The following INSM1 variants were observed in gnomAD, a reference collection of about 807,000 sequenced individuals.
INSM1 encodes the protein INSM transcriptional repressor 1.
In INSM1, 11 loss-of-function variants were observed where a neutral mutation model predicts 21.1. The ratio of observed to expected loss-of-function variants is 0.52; its 90% CI spans 0.33 to 0.86. The LOEUF is 0.86. Ranked by LOEUF, INSM1 falls within the 40% of genes least tolerant of loss-of-function variation. The probability of loss-of-function intolerance (pLI) is 0.03; values close to 1 mark genes in which losing one functional copy is unlikely to be tolerated. For synonymous variants in INSM1, 473 were observed against 386.1 expected (o/e 1.23, Z -2.64); for missense variants, 843 against 760.1 (o/e 1.11, Z -1.28).
At position 20,368,802 on chromosome 20, in the gene INSM1, G is replaced by A; in HGVS notation, c.535G>A (p.Ala179Thr). 9.2e-7 allele frequency: 1 copy of A among 1,081,882 alleles called. No individual in the cohort carries two copies. The highest frequency in any genetic ancestry group is 1.2e-6 in the Non-Finnish European group (1 of 869,108). The allele number at this position is 1,081,882 out of a possible 1,614,324, so 67.0% of individuals were successfully genotyped here. A position where few individuals can be genotyped will look rare whatever the true frequency, so the allele number is the denominator to read the frequency against. ...MGTAFSAGAE[A>T]ARGPGPGPPL... ...CACGGCGTTCTCGGCTGGCGCCGAG[G>A]CGGCCCGCGGCCCGGGCCCCGGCCC... Residue 179 changes from alanine (A) to threonine (T), a missense_variant, in exon 1 of 1, where the codon GCG (alanine) becomes ACG (threonine). By Grantham distance (58) the Ala-to-Thr change is moderately conservative (BLOSUM62 0). Coordinates refer to ENST00000310227, the MANE Select transcript of INSM1 (RefSeq NM_002196.3). This position sits in a 1 kb window ranked among gnomAD's most constrained non-coding sequence, Gnocchi z 4.3.
chr20:20,368,380 G>A lies in INSM1; in HGVS notation c.113G>A (p.Gly38Asp), dbSNP rs1436811994. Residue 38 changes from glycine (G) to aspartate (D), a missense_variant, in exon 1 of 1, where the codon GGC becomes GAC. Transcript: ENST00000310227. This position sits in a 1 kb window ranked among gnomAD's most constrained non-coding sequence, Gnocchi z 4.3. The stretch of plus-strand genomic sequence containing the variant: ...CTGCTGCTCTCGCCCAGCTGCGGGG[G>A]CGCCCGCGCCGAGCCCCCGGCGCCG... The part of the protein sequence containing the change: ...RALLLSPSCG[G>D]ARAEPPAPSP... 3 of 1,069,052 alleles carry A rather than the reference G, an allele frequency of 2.8e-6. No homozygotes were observed. The highest frequency in any genetic ancestry group is 2.3e-6 in the Non-Finnish European group (2 of 881,946). The allele number at this position is 1,069,052 out of a possible 1,614,324, so 66.2% of individuals were successfully genotyped here.
chr20:20,368,503 CCCCGCAGGG>C lies in INSM1; in HGVS notation c.242_250del (p.Gln81_Pro83del). On this transcript the variant is annotated inframe_deletion, in exon 1 of 1. Transcript: ENST00000310227. This position sits in a 1 kb window ranked among gnomAD's most constrained non-coding sequence, Gnocchi z 4.3. ...GCCTGCGCGCCTGGGCCGCAGCCAC[CCCCGCAGGG>C]CCCGCGGGCCGCGCACTTCGGCAAC... 1 of 1,196,840 alleles carries C rather than the reference CCCCGCAGGG, an allele frequency of 8.4e-7. No homozygotes were observed. Among genetic ancestry groups the C allele is most frequent in the South Asian group, 2.8e-5 (1 of 35,724 alleles). 74.1% of individuals were successfully genotyped at this position (1,196,840 alleles called of 1,614,324 possible). A position where few individuals can be genotyped will look rare whatever the true frequency, so the allele number is the denominator to read the frequency against.
Position 20,369,758 on chromosome 20 carries a change from A to G in INSM1, c.1491A>G (p.Arg497=), listed in dbSNP as rs746191549. Reference sequence around the variant, plus strand: ...ACAAGTGCCACCCATCCGAAAACAGACAGGTGATCCTCCTGCAGGTGCCCG... The same window carrying G: ...ACAAGTGCCACCCATCCGAAAACAGGCAGGTGATCCTCCTGCAGGTGCCCG... ...HINKCHPSEN[R]QVILLQVPVR... Residue 497 remains arginine, a synonymous_variant, in exon 1 of 1, where the codon AGA becomes AGG. Coordinates refer to ENST00000310227, the MANE Select transcript of INSM1 (RefSeq NM_002196.3). The surrounding 1 kb of genome is among the most constrained non-coding windows in gnomAD (Gnocchi z 5.6). 1.9e-6 allele frequency: 3 copies of G among 1,604,332 alleles called. No homozygotes were observed. Among genetic ancestry groups the G allele is most frequent in the Non-Finnish European group, 2.5e-6 (3 of 1,178,814 alleles).
chr20:20,369,551 G>A lies in INSM1; in HGVS notation c.1284G>A (p.Gly428=), dbSNP rs762213940. 1.3e-6 allele frequency: 2 copies of A among 1,579,388 alleles called. No individual in the cohort carries two copies. Among genetic ancestry groups the A allele is most frequent in the Non-Finnish European group, 1.7e-6 (2 of 1,170,546 alleles). Residue 428 remains glycine (G), a synonymous_variant, in exon 1 of 1, where the codon GGG becomes GGA. Coordinates refer to ENST00000310227, the MANE Select transcript of INSM1 (RefSeq NM_002196.3). The surrounding 1 kb of genome is among the most constrained non-coding windows in gnomAD (Gnocchi z 5.6). The stretch of plus-strand genomic sequence containing the variant: ...AGGAGGCGGCCGGCGACGGCGAGGG[G>A]GCCGGCGTGCTGGGCCTGAGTGCGT... ...APQEAAGDGE[G]AGVLGLSASA... is the part of the protein sequence containing the mutation.
Position 20,368,754 on chromosome 20 carries a change from G to C in INSM1, c.487G>C (p.Ala163Pro). Reference protein sequence around the residue: ...GTCGGDPLLFAPAELKMGTAF... With the variant: ...GTCGGDPLLFPPAELKMGTAF... ...CTGCGGCGGCGACCCGCTGCTCTTC[G>C]CGCCCGCCGAGCTCAAGATGGGCAC... The change falls in exon 1 of 1, where the codon GCG becomes CCG. Residue 163 changes from alanine to proline, a missense_variant. By Grantham distance (27) the Ala-to-Pro change is conservative (BLOSUM62 -1). Coordinates refer to ENST00000310227, the MANE Select transcript of INSM1 (RefSeq NM_002196.3). This position sits in a 1 kb window ranked among gnomAD's most constrained non-coding sequence, Gnocchi z 4.3. The C allele has an allele frequency of 8.6e-7, 1 of 1,158,168 alleles. No individual in the cohort carries two copies. The highest frequency in any genetic ancestry group is 1.1e-6 in the Non-Finnish European group (1 of 926,154). The allele number at this position is 1,158,168 out of a possible 1,614,324, so 71.7% of individuals were successfully genotyped here.
At position 20,369,320 on chromosome 20, in the gene INSM1, G is replaced by C. The variant is rs559019738; in HGVS notation, c.1053G>C (p.Thr351=). The C allele has an allele frequency of 1.6e-5, 23 of 1,423,098 alleles. No homozygotes were observed. In the African/African-American group the frequency reaches 3.2e-4, roughly 20 times the overall value. The allele number at this position is 1,423,098 out of a possible 1,614,324, so 88.2% of individuals were successfully genotyped here. The stretch of plus-strand genomic sequence containing the variant: ...CCGGCGGCGGCAGCGACCGGGACAC[G>C]CCGAGCCCCGGCGGCGTGTCCGAGT... ...EAPGGGSDRD[T]PSPGGVSESG... is the part of the protein sequence containing the mutation. Residue 351 remains threonine (T), a synonymous_variant, in exon 1 of 1, where the codon ACG becomes ACC. Transcript: ENST00000310227. The surrounding 1 kb of genome is among the most constrained non-coding windows in gnomAD (Gnocchi z 5.6).
rs1329965800 is a variant in INSM1, at chr20:20,370,722, A to C, written c.*922A>C. ...AGCCTTTTTCTAAAGGGATCTGCTT[A>C]AAGTTTTAACTTTTATACCTATCTG... On this transcript the variant is annotated 3_prime_UTR_variant, in exon 1 of 1. Transcript: ENST00000310227. The C allele has an allele frequency of 6.0e-6, 1 of 167,054 alleles. No homozygotes were observed. Among genetic ancestry groups the C allele is most frequent in the South Asian group, 2.1e-4 (1 of 4,830 alleles). The allele number at this position is 167,054 out of a possible 1,614,324, so 10.3% of individuals were successfully genotyped here.
In INSM1 at chr20:20,368,701, G is replaced by A; in HGVS notation, c.434G>A (p.Gly145Asp). ...AALLGGGGGGGASGAGGGGTC... is the reference protein window; with the variant it reads ...AALLGGGGGGDASGAGGGGTC... ...CTGCTCGGAGGGGGCGGCGGCGGCG[G>A]CGCGAGCGGAGCTGGCGGAGGCGGC... The change falls in exon 1 of 1, where the codon GGC becomes GAC. Residue 145 changes from glycine (G) to aspartate (D), a missense_variant. By Grantham distance (94) the Gly-to-Asp change is moderately conservative. Coordinates refer to ENST00000310227, the MANE Select transcript of INSM1 (RefSeq NM_002196.3). The surrounding 1 kb of genome is among the most constrained non-coding windows in gnomAD (Gnocchi z 4.3). 1 of 1,277,062 alleles carries A rather than the reference G, an allele frequency of 7.8e-7. No individual in the cohort carries two copies. Among genetic ancestry groups the A allele is most frequent in the African/African-American group, 1.6e-5 (1 of 62,826 alleles). The allele number at this position is 1,277,062 out of a possible 1,614,324, so 79.1% of individuals were successfully genotyped here.
At position 20,368,831 on chromosome 20, in the gene INSM1, A is replaced by G; in HGVS notation, c.564A>G (p.Pro188=). The G allele has an allele frequency of 9.5e-6, 11 of 1,157,678 alleles. No homozygotes were observed. The highest frequency in any genetic ancestry group is 1.1e-5 in the Non-Finnish European group (10 of 915,614). The allele number at this position is 1,157,678 out of a possible 1,614,324, so 71.7% of individuals were successfully genotyped here. ...EAARGPGPGP[P]LPPAAALRPP... is the part of the protein sequence containing the mutation. ...CCCGCGGCCCGGGCCCCGGCCCCCC[A>G]CTGCCCCCTGCCGCCGCCCTGCGGC... The change falls in exon 1 of 1, where the codon CCA becomes CCG. Residue 188 remains proline, a synonymous_variant. Coordinates refer to ENST00000310227, the MANE Select transcript of INSM1 (RefSeq NM_002196.3). The surrounding 1 kb of genome is among the most constrained non-coding windows in gnomAD (Gnocchi z 4.3).
At position 20,368,414 on chromosome 20, in the gene INSM1, C is replaced by A; in HGVS notation, c.147C>A (p.Val49=). The stretch of plus-strand genomic sequence containing the variant: ...CCGAGCCCCCGGCGCCGAGCCCGGT[C>A]CCCGGGCCGCTGCCGCCGCCGCCGC... The part of the protein sequence containing the change: ...ARAEPPAPSP[V]PGPLPPPPPA... Residue 49 remains valine (V), a synonymous_variant, in exon 1 of 1, where the codon GTC becomes GTA. Transcript: ENST00000310227. The surrounding 1 kb of genome is among the most constrained non-coding windows in gnomAD (Gnocchi z 4.3). 1 of 993,596 alleles carries A rather than the reference C, an allele frequency of 1.0e-6. No individual in the cohort carries two copies. The highest frequency in any genetic ancestry group is 4.5e-5 in the South Asian group (1 of 22,140). 61.5% of individuals were successfully genotyped at this position (993,596 alleles called of 1,614,324 possible).
rs1369858772 is a variant in INSM1 at position 20,370,576 on chromosome 20, A to G, written c.*776A>G. 3 of 166,994 alleles carry G rather than the reference A, an allele frequency of 1.8e-5. No homozygotes were observed. The highest frequency in any genetic ancestry group is 4.4e-5 in the Non-Finnish European group (3 of 68,100). 10.3% of individuals were successfully genotyped at this position (166,994 alleles called of 1,614,324 possible). On this transcript the variant is annotated 3_prime_UTR_variant, in exon 1 of 1. Transcript: ENST00000310227. Reference sequence around the variant, plus strand: ...GTTGATTTATGAGTAATTGTTATTTATTCTTTATTTATTTATATTAATTAT... The same window carrying G: ...GTTGATTTATGAGTAATTGTTATTTGTTCTTTATTTATTTATATTAATTAT...
At position 20,368,220 on chromosome 20, in the gene INSM1, G is replaced by T; in HGVS notation, c.-48G>T. The T allele has an allele frequency of 9.3e-7, 1 of 1,077,218 alleles. No individual in the cohort carries two copies. Among genetic ancestry groups the T allele is most frequent in the Non-Finnish European group, 1.1e-6 (1 of 888,382 alleles). The allele number at this position is 1,077,218 out of a possible 1,614,324, so 66.7% of individuals were successfully genotyped here. ...GGGCACTGAGGGCCGCCGGGGCCGA[G>T]CGCGGAGGGGGGACCGAGCCAGTGC... is the stretch of plus-strand genomic sequence containing the variant. On this transcript the variant is annotated 5_prime_UTR_variant, in exon 1 of 1. Coordinates refer to ENST00000310227, the MANE Select transcript of INSM1 (RefSeq NM_002196.3). The surrounding 1 kb of genome is among the most constrained non-coding windows in gnomAD (Gnocchi z 4.3).
At position 20,368,481 on chromosome 20, in the gene INSM1, TG is replaced by T; in HGVS notation, c.215del (p.Cys72SerfsTer35). The T allele has an allele frequency of 9.0e-7, 1 of 1,113,536 alleles. No homozygotes were observed. Among genetic ancestry groups the T allele is most frequent in the Non-Finnish European group, 1.1e-6 (1 of 905,876 alleles). 69.0% of individuals were successfully genotyped at this position (1,113,536 alleles called of 1,614,324 possible). On this transcript the variant is annotated frameshift_variant, in exon 1 of 1. Transcript: ENST00000310227. LOFTEE classifies it low-confidence loss of function (END_TRUNC). The surrounding 1 kb of genome is among the most constrained non-coding windows in gnomAD (Gnocchi z 4.3). The stretch of plus-strand genomic sequence containing the variant: ...TGCAGCGCTCGCCGCCGCGCTTGCC[TG>T]CGCGCCTGGGCCGCAGCCACCCCCG... ...AHAALAAALA[C>X]APGPQPPPQG...
Position 20,369,451 on chromosome 20 carries a change from C to A in INSM1, c.1184C>A (p.Ala395Asp), listed in dbSNP as rs768984339. Reference sequence around the variant, plus strand: ...CTGGCGCACCACCAGGCGCTGCAGGCCAAGGGCGCGCCGCTAGCGCCCCCG... The same window carrying A: ...CTGGCGCACCACCAGGCGCTGCAGGACAAGGGCGCGCCGCTAGCGCCCCCG... ...HLLAHHQALQ[A>D]KGAPLAPPAE... is the part of the protein sequence containing the mutation. Residue 395 changes from alanine to aspartate, a missense_variant, in exon 1 of 1, where the codon GCC becomes GAC. By Grantham distance (126) the Ala-to-Asp change is moderately radical (BLOSUM62 -2). Transcript: ENST00000310227. This position sits in a 1 kb window ranked among gnomAD's most constrained non-coding sequence, Gnocchi z 5.6. The A allele has an allele frequency of 1.3e-6, 2 of 1,536,824 alleles. No individual in the cohort carries two copies. Among genetic ancestry groups the A allele is most frequent in the East Asian group, 2.5e-5 (1 of 40,768 alleles).
At position 20,369,647 on chromosome 20, in the gene INSM1, G is replaced by A. The variant is rs1195936786; in HGVS notation, c.1380G>A (p.Leu460=). The A allele has an allele frequency of 1.9e-6, 3 of 1,600,614 alleles. No individual in the cohort carries two copies. The highest frequency in any genetic ancestry group is 1.3e-5 in the African/African-American group (1 of 74,940). ...GCAAGGGCGCTCAGGAGCGCCACCT[G>A]CGCCTGCTGCACGCCGCCCAGGTGT... ...FASKGAQERH[L]RLLHAAQVFP... Residue 460 remains leucine, a synonymous_variant, in exon 1 of 1, where the codon CTG becomes CTA. Coordinates refer to ENST00000310227, the MANE Select transcript of INSM1 (RefSeq NM_002196.3). The surrounding 1 kb of genome is among the most constrained non-coding windows in gnomAD (Gnocchi z 5.6).
At position 20,369,890 on chromosome 20, in the gene INSM1, C is replaced by A; in HGVS notation, c.*90C>A. The A allele has an allele frequency of 4.3e-6, 5 of 1,165,446 alleles. No individual in the cohort carries two copies. Among genetic ancestry groups the A allele is most frequent in the Non-Finnish European group, 5.9e-6 (5 of 845,024 alleles). The allele number at this position is 1,165,446 out of a possible 1,614,324, so 72.2% of individuals were successfully genotyped here. On this transcript the variant is annotated 3_prime_UTR_variant, in exon 1 of 1. Coordinates refer to ENST00000310227, the MANE Select transcript of INSM1 (RefSeq NM_002196.3). The surrounding 1 kb of genome is among the most constrained non-coding windows in gnomAD (Gnocchi z 5.6). ...CCTGCACTCCCCGAACCCGAGTCCG[C>A]GCTGGGGGAGCCTCGCCCCCGCCCC...
rs1390581932 is a variant in INSM1, at chr20:20,370,489, A to G, written c.*689A>G. 6.0e-6 allele frequency: 1 copy of G among 167,136 alleles called. No homozygotes were observed. The highest frequency in any genetic ancestry group is 1.5e-5 in the Non-Finnish European group (1 of 68,142). The allele number at this position is 167,136 out of a possible 1,614,324, so 10.4% of individuals were successfully genotyped here. A position where few individuals can be genotyped will look rare whatever the true frequency, so the allele number is the denominator to read the frequency against. On this transcript the variant is annotated 3_prime_UTR_variant, in exon 1 of 1. Transcript: ENST00000310227. ...TAGTAACTGCCTCAGTGTTTCACGT[A>G]AGACTTTTTGGTTTGATCATCTTTG...
chr20:20,368,922 G>A lies in INSM1; in HGVS notation c.655G>A (p.Gly219Ser). The change falls in exon 1 of 1, where the codon GGC (glycine) becomes AGC (serine). Residue 219 changes from glycine to serine, a missense_variant. By Grantham distance (56) the Gly-to-Ser change is moderately conservative. Coordinates refer to ENST00000310227, the MANE Select transcript of INSM1 (RefSeq NM_002196.3). This position sits in a 1 kb window ranked among gnomAD's most constrained non-coding sequence, Gnocchi z 4.3. ...EPPAKAVKAP[G>S]AKKPKAIRKL... is the part of the protein sequence containing the mutation. ...GCCCGCCAAGGCAGTCAAGGCCCCG[G>A]GCGCCAAGAAGCCCAAGGCCATCCG... is the stretch of plus-strand genomic sequence containing the variant. The A allele has an allele frequency of 6.6e-7, 1 of 1,520,202 alleles. No individual in the cohort carries two copies. Among genetic ancestry groups the A allele is most frequent in the Non-Finnish European group, 8.8e-7 (1 of 1,137,728 alleles). 94.2% of individuals were successfully genotyped at this position (1,520,202 alleles called of 1,614,324 possible).
Position 20,368,348 on chromosome 20 carries a change from C to G in INSM1, c.81C>G (p.Asp27Glu). 1 of 1,246,486 alleles carries G rather than the reference C, an allele frequency of 8.0e-7. No homozygotes were observed. The allele number at this position is 1,246,486 out of a possible 1,614,324, so 77.2% of individuals were successfully genotyped here. A position where few individuals can be genotyped will look rare whatever the true frequency, so the allele number is the denominator to read the frequency against. The change falls in exon 1 of 1, where the codon GAC becomes GAG. Residue 27 changes from aspartate to glutamate, a missense_variant. Asp to Glu is a conservative substitution (Grantham distance 45). Transcript: ENST00000310227. This position sits in a 1 kb window ranked among gnomAD's most constrained non-coding sequence, Gnocchi z 4.3. ...GGGTCCGCGGCGGCGAGGACGGCGA[C>G]CGCGCACTGCTGCTCTCGCCCAGCT... ...SYRVRGGEDG[D>E]RALLLSPSCG...
Sources: allele counts gnomAD v4.1 joint callset, GRCh38; gene constraint gnomAD v4.1.1; non-coding constraint Gnocchi (gnomAD v3.1); transcripts MANE v1.5; gene names NCBI Gene and HGNC (gene_info 2026-07-23, HGNC 2026-07-21).